DEFB119: variants seen among roughly 807,000 people sequenced by gnomAD.
DEFB119 encodes the protein beta-defensin 119.
In DEFB119, 3 loss-of-function variants were observed where a neutral mutation model predicts 2.5. The observed-to-expected ratio is 1.19, with a 90% CI of 0.54 to 3.07. The LOEUF (loss-of-function observed/expected upper bound fraction) is 3.07, where lower values mean the gene tolerates loss of function less well. Among genes scored for constraint, DEFB119 ranks in the 30% most tolerant of loss-of-function variants. The pLI, the probability that DEFB119 is intolerant of heterozygous loss-of-function variation, is 0.03. For missense variants in DEFB119, 113 were observed against 101.1 expected (o/e 1.12, Z -0.50); for synonymous variants, 29 against 33.7 (o/e 0.86, Z 0.48).
chr20:31,385,423 C>G (rs1278231005), intron 1 of DEFB119, among the ~76,000 whole-genome samples: 1 of 147,436 alleles, frequency 6.8e-6, no homozygotes, highest in Non-Finnish European at 1.5e-5. Context: ...TATCTTAATA[C>G]TGTGTGACTT....
At chr20:31,389,946 C>T (rs983614890) in intron 1 of DEFB119, among the ~76,000 whole-genome samples, 10 of 152,122 alleles carry the variant, frequency 6.6e-5, no homozygotes, top group Non-Finnish European at 1.0e-4. Context: ...GCCCAAGCCC[C>T]AGCCTAATCC....
intron 1 of DEFB119, chr20:31,389,037 T>TATATTTG: frequency 6.2e-7 from 1 of 1,614,136 alleles, no homozygotes; most frequent in East Asian, 2.2e-5. Flanking sequence ...ATCTATTAGT[T>TATATTTG]ATATTTGTCT....
Position 31,389,145 on chromosome 20 carries a change from G to C in DEFB119, c.61+1278C>G, listed in dbSNP as rs140963209. On this transcript the variant is annotated intron_variant, in intron 1 of 1. Coordinates refer to ENST00000376321, the MANE Select transcript of DEFB119 (RefSeq NM_153289.4). ...TTGTTAAATAACGACTAGGAACACAGCACCGTTTACGATTTCGGCAGCGTA... is the reference window on the plus strand; with the variant it reads ...TTGTTAAATAACGACTAGGAACACACCACCGTTTACGATTTCGGCAGCGTA... 3.9e-4 allele frequency: 629 copies of C among 1,614,184 alleles called. 3 individuals are homozygous for C. In the African/African-American group the frequency reaches 7.1e-3, roughly 18 times the overall value.
intron 1 of DEFB119, among the ~76,000 whole-genome samples, chr20:31,389,607 C>T (rs1176488790): frequency 1.3e-5 from 2 of 152,094 alleles, no homozygotes; most frequent in Admixed American, 1.3e-4. Flanking sequence ...AGAGGATTCA[C>T]TCACATTACA....
At chr20:31,378,495 C>G in intron 1 of DEFB119, 1 of 1,536,530 alleles carries the variant, frequency 6.5e-7, no homozygotes, top group Non-Finnish European at 8.8e-7. Flanking sequence ...AATTACTCAT[C>G]ATACTGAGAA....
In DEFB119 at chr20:31,377,225, G is replaced by C; in HGVS notation, c.*21C>G. 1 of 1,592,878 alleles carries C rather than the reference G, an allele frequency of 6.3e-7. No homozygotes were observed. On this transcript the variant is annotated 3_prime_UTR_variant, in exon 2 of 2. Coordinates refer to ENST00000376321, the MANE Select transcript of DEFB119 (RefSeq NM_153289.4). Reference sequence around the variant, plus strand: ...GCAGGTCTCTGTGCCCAGAGAGCTTGAGAATGGTAATCACCAGCACTCAAG... The same window carrying C: ...GCAGGTCTCTGTGCCCAGAGAGCTTCAGAATGGTAATCACCAGCACTCAAG...
intron 1 of DEFB119, among the ~76,000 whole-genome samples, chr20:31,383,602 G>T (rs780587077): frequency 2.0e-5 from 3 of 149,564 alleles, no homozygotes; most frequent in Non-Finnish European, 4.4e-5. Context: ...TTGGGAGGCC[G>T]AGGCGGGCAG....
At chr20:31,387,661 C>T (rs1986759540) in intron 1 of DEFB119, among the ~76,000 whole-genome samples, 1 of 152,162 alleles carries the variant, frequency 6.6e-6, no homozygotes, top group South Asian at 2.1e-4. Context: ...TGATGCTTCT[C>T]CTGCCTAGGG....
chr20:31,390,404 CGA>C lies in DEFB119; in HGVS notation c.61+17_61+18del, dbSNP rs748969738. On this transcript the variant is annotated intron_variant, in intron 1 of 1. Transcript: ENST00000376321. ...GCCCATGACCAGGAACCCAGACCCC[CGA>C]GAGAGGTTCACGTTACCTGATATCA... 27 of 1,610,574 alleles carry C rather than the reference CGA, an allele frequency of 1.7e-5. No individual in the cohort carries two copies. In the South Asian group the frequency reaches 3.0e-4, roughly 18 times the overall value.
At chr20:31,385,881 A>G (rs1367046089) in intron 1 of DEFB119, among the ~76,000 whole-genome samples, 5 of 150,418 alleles carry the variant, frequency 3.3e-5, no homozygotes, top group Non-Finnish European at 5.9e-5. Context: ...AAAAAAAAAA[A>G]GAGAGACAGA....
rs568608070 is a variant in DEFB119 at position 31,387,277 on chromosome 20, T to G, written c.61+3146A>C. Among the ~76,000 whole-genome samples the G allele has an allele frequency of 4.6e-5, 7 of 152,328 alleles. No homozygotes were observed. In the East Asian group the frequency reaches 1.3e-3, roughly 29 times the overall value. On this transcript the variant is annotated intron_variant, in intron 1 of 1. Transcript: ENST00000376321. ...ACCATAAATATGTGCAATTATTATT[T>G]GTGAATTTAAAATAATTCTTTAAAA...
chr20:31,379,040 C>G (rs1986408168), intron 1 of DEFB119, among the ~76,000 whole-genome samples: 1 of 151,488 alleles, frequency 6.6e-6, no homozygotes, highest in Non-Finnish European at 1.5e-5. Flanking sequence ...CAGGTTCAAG[C>G]GATTCTCATG....
chr20:31,379,822 C>T (rs892289138), intron 1 of DEFB119, among the ~76,000 whole-genome samples: 7 of 152,128 alleles, frequency 4.6e-5, no homozygotes, highest in Non-Finnish European at 1.0e-4. Context: ...CCTGCCACCA[C>T]GCCCAGCTAA....
At position 31,377,396 on chromosome 20, in the gene DEFB119, A is replaced by G. The variant is rs1475844303; in HGVS notation, c.105T>C (p.Cys35=). 3 of 1,613,928 alleles carry G rather than the reference A, an allele frequency of 1.9e-6. No individual in the cohort carries two copies. The highest frequency in any genetic ancestry group is 4.5e-5 in the East Asian group (2 of 44,882). ...GTTCGTTCTTTTTGCAAGAGGCCCTACAAATTCCACTGTTACCCATGCATC... is the reference window on the plus strand; with the variant it reads ...GTTCGTTCTTTTTGCAAGAGGCCCTGCAAATTCCACTGTTACCCATGCATC... ...ILRCMGNSGI[C]RASCKKNEQP... Residue 35 remains cysteine, a synonymous_variant, in exon 2 of 2, where the codon TGT becomes TGC. Coordinates refer to ENST00000376321, the MANE Select transcript of DEFB119 (RefSeq NM_153289.4).
At position 31,377,240 on chromosome 20, in the gene DEFB119, C is replaced by A. The variant is rs372151570; in HGVS notation, c.*6G>T. ...CAGAGAGCTTGAGAATGGTAATCACCAGCACTCAAGGTAGTCTTGGCCACT... is the reference window on the plus strand; with the variant it reads ...CAGAGAGCTTGAGAATGGTAATCACAAGCACTCAAGGTAGTCTTGGCCACT... On this transcript the variant is annotated 3_prime_UTR_variant, in exon 2 of 2. Coordinates refer to ENST00000376321, the MANE Select transcript of DEFB119 (RefSeq NM_153289.4). 1 of 1,604,492 alleles carries A rather than the reference C, an allele frequency of 6.2e-7. No homozygotes were observed. The highest frequency in any genetic ancestry group is 8.5e-7 in the Non-Finnish European group (1 of 1,175,408).
chr20:31,383,050 G>A (rs1269939292), intron 1 of DEFB119, among the ~76,000 whole-genome samples: 1 of 152,198 alleles, frequency 6.6e-6, no homozygotes, highest in Non-Finnish European at 1.5e-5. Context: ...GTTGAGTGCT[G>A]AGGGAAAAGT....
chr20:31,387,714 G>A (rs1247981841), intron 1 of DEFB119, among the ~76,000 whole-genome samples: 2 of 152,102 alleles, frequency 1.3e-5, no homozygotes, highest in African/African-American at 2.4e-5. Flanking sequence ...GGGACCTTGA[G>A]GAAAGGCCCC....
intron 1 of DEFB119, among the ~76,000 whole-genome samples, chr20:31,386,831 T>TTTTTTTTC (rs1428681275): frequency 4.8e-5 from 7 of 147,184 alleles, no homozygotes; most frequent in African/African-American, 1.8e-4. Context: ...TTTTTTTTTT[T>TTTTTTTTC]GAGACGGAGT....
At chr20:31,379,015 G>A (rs1273210059) in intron 1 of DEFB119, among the ~76,000 whole-genome samples, 1 of 150,654 alleles carries the variant, frequency 6.6e-6, no homozygotes, top group African/African-American at 2.5e-5. Flanking sequence ...TTGGCTCACT[G>A]CAACCTCCGC....
Sources: allele counts gnomAD v4.1 joint callset (sites outside exome capture counted in the v4.1 genomes callset), GRCh38; gene constraint gnomAD v4.1.1; transcripts MANE v1.5; gene names NCBI Gene and HGNC (gene_info 2026-07-23, HGNC 2026-07-21).